CLPTM1: variants seen among roughly 807,000 people sequenced by gnomAD.
CLPTM1 encodes the protein putative lipid scramblase CLPTM1.
In CLPTM1, 21 loss-of-function variants were observed where a neutral mutation model predicts 77.3. That is an observed-to-expected ratio of 0.27 (90% confidence interval 0.19 to 0.39). CLPTM1 has a LOEUF of 0.39. Among genes scored for constraint, CLPTM1 ranks in the 10% least tolerant of loss-of-function variants. The pLI is 1.00. For missense variants in CLPTM1, 642 were observed against 921.2 expected, an observed-to-expected ratio of 0.70 and a Z score of 3.92; for synonymous variants, 373 against 381.0, an observed-to-expected ratio of 0.98 and a Z score of 0.24.
rs35539206 is a variant in CLPTM1 at position 44,964,298 on chromosome 19, C to CTTTTTTTTTTTTTTTTTTT, written c.185+2235_185+2253dup. Among the ~76,000 whole-genome samples, 7 of 68,152 alleles carry CTTTTTTTTTTTTTTTTTTT rather than the reference C, an allele frequency of 1.0e-4. 1 individual carries two copies. Among genetic ancestry groups the CTTTTTTTTTTTTTTTTTTT allele is most frequent in the Non-Finnish European group, 1.3e-4 (5 of 37,716 alleles). 44.7% of individuals were successfully genotyped at this position (68,152 alleles called of 152,430 possible). Reference sequence around the variant, plus strand: ...TTTTAACCTATGTTTTCATTTTAACCTTTTTTTTTTTTTTTTTTTTTTTTT... The same window carrying CTTTTTTTTTTTTTTTTTTT: ...TTTTAACCTATGTTTTCATTTTAACCTTTTTTTTTTTTTTTTTTTTTTTTTTTTTTTTTTTTTTTTTTTT... On this transcript the variant is annotated intron_variant, in intron 2 of 13. Coordinates refer to ENST00000337392, the MANE Select transcript of CLPTM1 (RefSeq NM_001294.4).
chr19:44,972,830 T>C (rs1297523152), intron 2 of CLPTM1, among the ~76,000 whole-genome samples: 5 of 150,740 alleles, frequency 3.3e-5, no homozygotes, highest in Non-Finnish European at 7.4e-5. Context: ...GAGTCAAGGG[T>C]CTGCATGCAG....
At chr19:44,986,681 G>A in intron 7 of CLPTM1, 106 bp downstream of exon 7, 1 of 1,420,592 alleles carries the variant, frequency 7.0e-7, no homozygotes, top group South Asian at 1.4e-5. Flanking sequence ...AGCTTTCCAG[G>A]GCTCCACCCT....
In CLPTM1 at chr19:44,992,591, T is replaced by C; in HGVS notation, c.1724-20T>C. 1 of 1,612,520 alleles carries C rather than the reference T, an allele frequency of 6.2e-7. No individual in the cohort carries two copies. The highest frequency in any genetic ancestry group is 1.7e-5 in the Admixed American group (1 of 59,996). Reference sequence around the variant, plus strand: ...TGGACGGGCCAGCCCGACCTCACACTGCCTCCCACCCCTCTCCAGATGTGG... The same window carrying C: ...TGGACGGGCCAGCCCGACCTCACACCGCCTCCCACCCCTCTCCAGATGTGG... On this transcript the variant is annotated intron_variant, in intron 13 of 13. Coordinates refer to ENST00000337392, the MANE Select transcript of CLPTM1 (RefSeq NM_001294.4). This position sits in a 1 kb window ranked among gnomAD's most constrained non-coding sequence, Gnocchi z 7.7.
chr19:44,956,141 C>CT (rs1268977655), intron 1 of CLPTM1, among the ~76,000 whole-genome samples: 1 of 152,206 alleles, frequency 6.6e-6, no homozygotes, highest in African/African-American at 2.4e-5. Flanking sequence ...TTTCAGGCAG[C>CT]TACCGTTCAG....
At chr19:44,978,129 G>A (rs1384123091) in intron 5 of CLPTM1, among the ~76,000 whole-genome samples, 2 of 151,420 alleles carry the variant, frequency 1.3e-5, no homozygotes, top group African/African-American at 4.9e-5. Flanking sequence ...GATAGAGGCC[G>A]GGCACAGTGG....
chr19:44,980,672 G>A (rs1568386946), intron 5 of CLPTM1, among the ~76,000 whole-genome samples: 1 of 151,654 alleles, frequency 6.6e-6, no homozygotes, highest in Non-Finnish European at 1.5e-5. Flanking sequence ...GTAAAGAGAG[G>A]CCAGGCACGG....
At chr19:44,982,699 C>A (rs891558050) in intron 5 of CLPTM1, among the ~76,000 whole-genome samples, 2 of 152,218 alleles carry the variant, frequency 1.3e-5, no homozygotes, top group African/African-American at 2.4e-5. Flanking sequence ...GAATTTTCTC[C>A]AAGTCAACCC....
chr19:44,974,212 T>A (rs954997851), intron 3 of CLPTM1, among the ~76,000 whole-genome samples: 1 of 152,122 alleles, frequency 6.6e-6, no homozygotes, highest in Admixed American at 6.5e-5. Flanking sequence ...GGCTGGCCAG[T>A]CTCCAAGTGT....
At chr19:44,962,890 C>A (rs1473824982) in intron 2 of CLPTM1, among the ~76,000 whole-genome samples, 1 of 151,752 alleles carries the variant, frequency 6.6e-6, no homozygotes, top group East Asian at 1.9e-4. Flanking sequence ...ATAGTGATAC[C>A]CCATCTCTAC....
Position 44,990,366 on chromosome 19 carries a change from C to T in CLPTM1, c.1133-29C>T, listed in dbSNP as rs754850373. On this transcript the variant is annotated intron_variant, in intron 9 of 13. Transcript: ENST00000337392. The surrounding 1 kb of genome is among the most constrained non-coding windows in gnomAD (Gnocchi z 4.8). ...TAGGGTCTCAGCACCTCCTCAGCCT[C>T]CTGGTTCCCCCCTACCCCCTGCGCA... 2.5e-6 allele frequency: 4 copies of T among 1,608,128 alleles called. No homozygotes were observed. The highest frequency in any genetic ancestry group is 3.4e-6 in the Non-Finnish European group (4 of 1,175,638).
At chr19:44,989,165 C>CA (rs904206390) in intron 9 of CLPTM1, among the ~76,000 whole-genome samples, 9 of 151,600 alleles carry the variant, frequency 5.9e-5, no homozygotes, top group African/African-American at 1.7e-4. Context: ...CACCCTGTTC[C>CA]AAAAAAAAGG....
At position 44,963,636 on chromosome 19, in the gene CLPTM1, T is replaced by C. The variant is rs116746601; in HGVS notation, c.185+1561T>C. On this transcript the variant is annotated intron_variant, in intron 2 of 13. Coordinates refer to ENST00000337392, the MANE Select transcript of CLPTM1 (RefSeq NM_001294.4). The stretch of plus-strand genomic sequence containing the variant: ...CACCGCACCCAGCCTATTTTTATTT[T>C]TGTAATGGAGTCTCGCTCTGTTTCC... 6.0e-3 allele frequency among the ~76,000 whole-genome samples: 901 copies of C among 150,490 alleles called. 9 individuals are homozygous for C. Among genetic ancestry groups the C allele is most frequent in the African/African-American group, 0.021 (860 of 40,868 alleles).
chr19:44,973,662 C>T (rs1370842052), intron 3 of CLPTM1, among the ~76,000 whole-genome samples: 1 of 151,738 alleles, frequency 6.6e-6, no homozygotes, highest in Admixed American at 6.6e-5. Context: ...TCAGGAGCCT[C>T]CAGAGCAAAA....
rs1600053159 is a variant in CLPTM1, at chr19:44,993,250, C to T, written c.*353C>T. 2.0e-6 allele frequency: 1 copy of T among 504,528 alleles called. No individual in the cohort carries two copies. Among genetic ancestry groups the T allele is most frequent in the Non-Finnish European group, 3.8e-6 (1 of 261,964 alleles). The allele number at this position is 504,528 out of a possible 1,614,324, so 31.3% of individuals were successfully genotyped here. A position where few individuals can be genotyped will look rare whatever the true frequency, so the allele number is the denominator to read the frequency against. On this transcript the variant is annotated 3_prime_UTR_variant, in exon 14 of 14. Transcript: ENST00000337392. ...CCCACGGCCGTTCATCATCTTGTCC[C>T]TCGTCCCCCTACCACACTCCCCCTC...
intron 2 of CLPTM1, among the ~76,000 whole-genome samples, chr19:44,963,361 T>C (rs1033850990): frequency 4.7e-5 from 7 of 149,544 alleles, no homozygotes; most frequent in African/African-American, 1.7e-4. Context: ...AGTCTCGCTC[T>C]GTCGCCCAGG....
intron 1 of CLPTM1, among the ~76,000 whole-genome samples, chr19:44,959,882 T>TTG (rs1970518376): frequency 6.6e-6 from 1 of 152,198 alleles, no homozygotes; most frequent in African/African-American, 2.4e-5. Context: ...TGACACCTCA[T>TTG]TGTGGTTTTA....
rs760499739 is a variant in CLPTM1, at chr19:44,955,423, G to C, written c.28G>C (p.Ala10Pro). Residue 10 changes from alanine to proline, a missense_variant, in exon 1 of 14, where the codon GCC becomes CCC. Transcript: ENST00000337392. ...GGCGGCGGCGCAGGAGGCGGACGGG[G>C]CCCGCAGCGCCGTGGTGGCGGCCGG... MAAAQEADG[A>P]RSAVVAAGGG... The C allele has an allele frequency of 1.2e-5, 16 of 1,341,124 alleles. No individual in the cohort carries two copies. In the Admixed American group the frequency reaches 1.6e-4, roughly 13 times the overall value. 83.1% of individuals were successfully genotyped at this position (1,341,124 alleles called of 1,614,324 possible). A position where few individuals can be genotyped will look rare whatever the true frequency, so the allele number is the denominator to read the frequency against.
chr19:44,976,022 C>T (rs1970800910), intron 4 of CLPTM1, among the ~76,000 whole-genome samples: 1 of 152,094 alleles, frequency 6.6e-6, no homozygotes, highest in African/African-American at 2.4e-5. Flanking sequence ...ACCACCATGC[C>T]CAGCTAATTT....
chr19:44,969,004 T>A (rs59136988), intron 2 of CLPTM1, among the ~76,000 whole-genome samples: 14,226 of 152,138 alleles, frequency 0.094, 1,099 homozygotes, highest in African/African-American at 0.21. Context: ...CTGCCCCTGA[T>A]CAGGGCTCAG....
Sources: allele counts gnomAD v4.1 joint callset (sites outside exome capture counted in the v4.1 genomes callset), GRCh38; gene constraint gnomAD v4.1.1; non-coding constraint Gnocchi (gnomAD v3.1); transcripts MANE v1.5; gene names NCBI Gene and HGNC (gene_info 2026-07-23, HGNC 2026-07-21).